The following SREBF2 variants were observed in gnomAD, a reference collection of about 807,000 sequenced individuals.
The protein encoded by SREBF2 is sterol regulatory element binding transcription factor 2, also known as sterol regulatory element-binding protein 2.
SREBF2 carries 55 observed loss-of-function variants against 113.1 expected under a neutral mutation model. The observed-to-expected ratio is 0.49, with a 90% CI of 0.39 to 0.61. SREBF2 has a LOEUF of 0.61. Ranked by LOEUF, SREBF2 falls within the 20% of genes least tolerant of loss-of-function variation. The pLI is 0.00. For synonymous variants in SREBF2, 593 were observed against 605.7 expected (o/e 0.98, Z 0.31); for missense variants, 1,349 against 1,487.4 (o/e 0.91, Z 1.53).
chr22:41,895,865 T>C (rs1312596122), intron 13 of SREBF2, among the ~76,000 whole-genome samples: 2 of 150,492 alleles, frequency 1.3e-5, no homozygotes, highest in South Asian at 2.1e-4. Flanking sequence ...GGGGGCTGGG[T>C]GCAGTGGCTC....
intron 18 of SREBF2, 53 bp downstream of exon 18, chr22:41,905,027 AAG>A: frequency 4.1e-6 from 6 of 1,460,652 alleles, no homozygotes; most frequent in Non-Finnish European, 4.6e-6. Context: ...GCGCCCTAGG[AAG>A]AGAGGAGAAG....
intron 1 of SREBF2, among the ~76,000 whole-genome samples, chr22:41,848,676 G>A (rs1294490393): frequency 1.3e-5 from 2 of 152,150 alleles, no homozygotes; most frequent in African/African-American, 2.4e-5. Context: ...GGGTGCTTGA[G>A]AAAAGAGCAC....
At chr22:41,874,645 C>T (rs116658654) in intron 5 of SREBF2, among the ~76,000 whole-genome samples, 2,642 of 152,340 alleles carry the variant, frequency 0.017, 89 homozygotes, top group African/African-American at 0.059. Flanking sequence ...CTGTGGCTTA[C>T]GCCTGTAATC....
rs561884653 is a variant in SREBF2 at position 41,898,993 on chromosome 22, C to T, written c.2738+212C>T. Reference sequence around the variant, plus strand: ...TGCAAGTGTCCTGCTCTGCACAACACGACAGTTGTCCCAGCAGCTGTCAGC... The same window carrying T: ...TGCAAGTGTCCTGCTCTGCACAACATGACAGTTGTCCCAGCAGCTGTCAGC... On this transcript the variant is annotated intron_variant, in intron 15 of 18. Coordinates refer to ENST00000361204, the MANE Select transcript of SREBF2 (RefSeq NM_004599.4). The T allele has an allele frequency of 3.9e-4, 279 of 718,144 alleles. 2 individuals carry two copies. The highest frequency in any genetic ancestry group is 2.8e-3 in the Middle Eastern group (7 of 2,500). The allele number at this position is 718,144 out of a possible 1,614,324, so 44.5% of individuals were successfully genotyped here. A position where few individuals can be genotyped will look rare whatever the true frequency, so the allele number is the denominator to read the frequency against.
intron 9 of SREBF2, chr22:41,878,695 A>C: frequency 7.7e-7 from 1 of 1,304,338 alleles, no homozygotes; most frequent in Non-Finnish European, 1.0e-6. Context: ...AACTCACAGC[A>C]TTGAGGAAGA....
intron 1 of SREBF2, among the ~76,000 whole-genome samples, chr22:41,856,815 C>T (rs2076981444): frequency 6.6e-6 from 1 of 152,110 alleles, no homozygotes; most frequent in Non-Finnish European, 1.5e-5. Context: ...TGGCTTATGC[C>T]TATAATCCCA....
chr22:41,905,849 TC>T lies in SREBF2; in HGVS notation c.*191del. ...AGCTGCTGTCACTAGATGCCCATGG[TC>T]CAGGGCCTGGTGGGCGTGAGAGGAT... On this transcript the variant is annotated 3_prime_UTR_variant, in exon 19 of 19. Coordinates refer to ENST00000361204, the MANE Select transcript of SREBF2 (RefSeq NM_004599.4). 1.3e-6 allele frequency: 1 copy of T among 745,204 alleles called. No homozygotes were observed. The highest frequency in any genetic ancestry group is 2.4e-6 in the Non-Finnish European group (1 of 421,462). 46.2% of individuals were successfully genotyped at this position (745,204 alleles called of 1,614,324 possible).
At chr22:41,877,917 A>G (rs763201168) in intron 8 of SREBF2, 25 bp from the exon 9 acceptor site, 45 of 1,613,764 alleles carry the variant, frequency 2.8e-5, no homozygotes, top group African/African-American at 5.3e-5. Context: ...TTCCTAGCAG[A>G]CTCTGCTGAG....
At chr22:41,870,172 A>G (rs2077126569) in intron 3 of SREBF2, among the ~76,000 whole-genome samples, 1 of 152,032 alleles carries the variant, frequency 6.6e-6, no homozygotes, top group African/African-American at 2.4e-5. Flanking sequence ...CTTACTAACA[A>G]TTTATCTTAA....
chr22:41,862,567 A>G (rs373454737), intron 1 of SREBF2, among the ~76,000 whole-genome samples: 6 of 152,208 alleles, frequency 3.9e-5, no homozygotes, highest in East Asian at 1.9e-4. Flanking sequence ...TCTGAGTTTC[A>G]TGGCTCTCTG....
At chr22:41,868,553 G>C (rs1176290143) in intron 2 of SREBF2, 58 bp from the exon 3 acceptor site, 9 of 1,586,522 alleles carry the variant, frequency 5.7e-6, no homozygotes, top group African/African-American at 1.3e-5. Context: ...TTCTGCTGCA[G>C]CTGCAGTGAC....
chr22:41,858,996 G>A (rs965497661), intron 1 of SREBF2, among the ~76,000 whole-genome samples: 4 of 151,528 alleles, frequency 2.6e-5, no homozygotes, highest in African/African-American at 9.7e-5. Flanking sequence ...GGTGGCGGGC[G>A]CCTGTAATCC....
intron 1 of SREBF2, among the ~76,000 whole-genome samples, chr22:41,860,241 GAAAA>G (rs11343843): frequency 1.5e-5 from 2 of 130,128 alleles, no homozygotes; most frequent in African/African-American, 5.4e-5. Context: ...TTAAATCAGT[GAAAA>G]AAAAAAAAAG....
intron 15 of SREBF2, chr22:41,899,475 G>T: frequency 1.0e-6 from 1 of 995,010 alleles, no homozygotes; most frequent in Non-Finnish European, 1.2e-6. Flanking sequence ...GCCCCACGAG[G>T]TCCTATCCTT....
intron 1 of SREBF2, among the ~76,000 whole-genome samples, chr22:41,838,628 G>A (rs1010945412): frequency 6.6e-6 from 1 of 152,186 alleles, no homozygotes; most frequent in African/African-American, 2.4e-5. Context: ...AGCTACCTGG[G>A]AAGCTGAGGC....
rs758371232 is a variant in SREBF2 at position 41,867,121 on chromosome 22, G to A, written c.379G>A (p.Ala127Thr). Residue 127 changes from alanine to threonine, a missense_variant, in exon 2 of 19, where the codon GCA becomes ACA. Physicochemically the swap from Ala to Thr is moderately conservative, Grantham distance 58. Transcript: ENST00000361204. ...SPTSVPTTPR[A>T]TPILQPRPQP... The stretch of plus-strand genomic sequence containing the variant: ...CACCTCAGTTCCCACCACACCCAGG[G>A]CAACTCCTATTCTTCAGCCCCGCCC... 3.7e-6 allele frequency: 6 copies of A among 1,614,078 alleles called. No individual in the cohort carries two copies. The highest frequency in any genetic ancestry group is 5.1e-6 in the Non-Finnish European group (6 of 1,180,020).
rs1032574312 is a variant in SREBF2 at position 41,843,720 on chromosome 22, C to T, written c.88+10362C>T. ...GTTTATCAAGAAGTGTCTGTCCAGG[C>T]GCAGTAGCTCATACCTGTAATCCTA... On this transcript the variant is annotated intron_variant, in intron 1 of 18. Coordinates refer to ENST00000361204, the MANE Select transcript of SREBF2 (RefSeq NM_004599.4). Among the ~76,000 whole-genome samples the T allele has an allele frequency of 3.3e-5, 5 of 152,066 alleles. No homozygotes were observed. The East Asian group carries it at 9.6e-4, about 29-fold the overall frequency.
At chr22:41,885,310 G>A (rs1428789259) in intron 11 of SREBF2, among the ~76,000 whole-genome samples, 1 of 152,164 alleles carries the variant, frequency 6.6e-6, no homozygotes, top group African/African-American at 2.4e-5. Context: ...TACTGTACTT[G>A]GGGGTTAATA....
At position 41,867,231 on chromosome 22, in the gene SREBF2, G is replaced by T. The variant is rs1339939015; in HGVS notation, c.489G>T (p.Arg163Ser). The change falls in exon 2 of 19, where the codon AGG (arginine) becomes AGT (serine). Residue 163 changes from arginine (R) to serine (S), a missense_variant. By Grantham distance (110) the Arg-to-Ser change is moderately radical. This residue lies in a region of SREBF2 where 699 missense variants were observed against 843.3 expected (regional missense o/e 0.83). Coordinates refer to ENST00000361204, the MANE Select transcript of SREBF2 (RefSeq NM_004599.4). The part of the protein sequence containing the change: ...TPTFSTTPQT[R>S]IIQQPLIYQN... ...CATTCAGCACCACTCCGCAGACGAG[G>T]ATCATCCAGCAGCCTTTGATATACC... The T allele has an allele frequency of 9.3e-6, 15 of 1,614,200 alleles. No homozygotes were observed. Among genetic ancestry groups the T allele is most frequent in the Non-Finnish European group, 1.0e-5 (12 of 1,180,054 alleles).
Sources: gnomAD v4.1 joint callset for allele counts (sites outside exome capture counted in the v4.1 genomes callset) on GRCh38, gnomAD v4.1.1 for gene constraint, gnomAD v4.1.1 regional missense constraint, MANE v1.5 for transcripts, NCBI Gene and HGNC (gene_info 2026-07-23, HGNC 2026-07-21) for gene names.